Variants in RPS6KA2 observed in about 807,000 individuals in gnomAD.
RPS6KA2 encodes the protein ribosomal protein S6 kinase A2.
Under a neutral mutation model 91.8 loss-of-function variants are expected in RPS6KA2, and 42 were observed. That is an observed-to-expected ratio of 0.46 (90% CI 0.36 to 0.59). The LOEUF (loss-of-function observed/expected upper bound fraction) is 0.59. Among genes scored for constraint, RPS6KA2 ranks in the 20% least tolerant of loss-of-function variants. RPS6KA2 has a pLI of 0.00. For synonymous variants in RPS6KA2, 414 were observed against 393.6 expected, an observed-to-expected ratio of 1.05 and a Z score of -0.61; for missense variants, 798 against 978.5, an observed-to-expected ratio of 0.82 and a Z score of 2.46.
chr6:166,552,859 G>A (rs1253867853), intron 1 of RPS6KA2, among the ~76,000 whole-genome samples: 4 of 152,214 alleles, frequency 2.6e-5, no homozygotes, highest in Non-Finnish European at 4.4e-5. Flanking sequence ...GGGATGGGCC[G>A]ATAACCACGC....
intron 12 of RPS6KA2, among the ~76,000 whole-genome samples, chr6:166,452,628 C>A (rs1399132414): frequency 6.6e-6 from 1 of 152,106 alleles, no homozygotes; most frequent in African/African-American, 2.4e-5. Context: ...TAAACATAGA[C>A]ACACAGATTA....
chr6:166,606,238 G>A (rs943739400), intron 1 of RPS6KA2, among the ~76,000 whole-genome samples: 4 of 152,184 alleles, frequency 2.6e-5, no homozygotes, highest in Admixed American at 6.5e-5. Flanking sequence ...CCACAAGGTC[G>A]GAGTGCTTGC....
intron 2 of RPS6KA2, among the ~76,000 whole-genome samples, chr6:166,843,873 C>G (rs1490635692): frequency 6.6e-6 from 1 of 152,034 alleles, no homozygotes; most frequent in Non-Finnish European, 1.5e-5. Context: ...TTTAACACCT[C>G]CAAAAGATCA....
intron 2 of RPS6KA2, among the ~76,000 whole-genome samples, chr6:166,676,839 A>G (rs1197955744): frequency 6.6e-6 from 1 of 152,172 alleles, no homozygotes; most frequent in East Asian, 1.9e-4. Context: ...ACAATTTACT[A>G]CACTTCAAAG....
chr6:166,718,500 T>C (rs1414339326), intron 2 of RPS6KA2, among the ~76,000 whole-genome samples: 1 of 152,220 alleles, frequency 6.6e-6, no homozygotes, highest in Non-Finnish European at 1.5e-5. Context: ...TGTAAGGCCA[T>C]ATCAAAATCT....
In RPS6KA2 at chr6:166,612,668, C is replaced by T. The variant is rs555458026; in HGVS notation, c.99+14253G>A. Among the ~76,000 whole-genome samples the T allele has an allele frequency of 1.4e-4, 22 of 152,158 alleles. No homozygotes were observed. The highest frequency in any genetic ancestry group is 3.3e-4 in the Admixed American group (5 of 15,268). On this transcript the variant is annotated intron_variant, in intron 1 of 20. Transcript: ENST00000265678. The surrounding 1 kb of genome is among the most constrained non-coding windows in gnomAD (Gnocchi z 4.3). ...TGCTCCATTTATCACTCTGTCCGGG[C>T]GTCTGTTGTTACCCATGCTCGGGTA...
chr6:166,562,284 T>C (rs369078713), intron 1 of RPS6KA2, among the ~76,000 whole-genome samples: 1 of 152,176 alleles, frequency 6.6e-6, no homozygotes, highest in Admixed American at 6.5e-5. Context: ...TCACAGTACC[T>C]ACCTCGTGGA....
At chr6:166,604,440 A>G (rs1785866463) in intron 1 of RPS6KA2, among the ~76,000 whole-genome samples, 2 of 152,142 alleles carry the variant, frequency 1.3e-5, no homozygotes, top group African/African-American at 2.4e-5. Context: ...TCCATGTTTT[A>G]TAATGCCCAG....
intron 3 of RPS6KA2, among the ~76,000 whole-genome samples, chr6:166,510,621 C>T (rs1421340864): frequency 9.1e-6 from 1 of 109,790 alleles, no homozygotes; most frequent in East Asian, 2.9e-4. Context: ...GCATCTCTAG[C>T]TCTCCAAAAA....
chr6:166,723,470 C>T (rs960995159), intron 2 of RPS6KA2, among the ~76,000 whole-genome samples: 25 of 151,696 alleles, frequency 1.6e-4, no homozygotes, highest in Non-Finnish European at 2.9e-5. Context: ...GTATGCACCG[C>T]CTTCCTCAGC....
chr6:166,830,125 CAAAAAAA>C (rs34980248), intron 2 of RPS6KA2, among the ~76,000 whole-genome samples: 1 of 99,580 alleles, frequency 1.0e-5, no homozygotes, highest in African/African-American at 4.2e-5. Flanking sequence ...AACTCCATTT[CAAAAAAA>C]AAAAAAAAAG....
rs188242386 is a variant in RPS6KA2 at position 166,736,840 on chromosome 6, C to T, written c.123+121360G>A. 7.3e-4 allele frequency among the ~76,000 whole-genome samples: 111 copies of T among 152,350 alleles called. 2 individuals carry two copies. Among genetic ancestry groups the T allele is most frequent in the Middle Eastern group, 6.8e-3 (2 of 294 alleles). On this transcript the variant is annotated intron_variant, in intron 2 of 21. Transcript: ENST00000503859. ...TTCAGAGGGAGCCCGAGAAGCCTTT[C>T]TCTTCCAGTTGTAAAGTTCATGAAT... is the stretch of plus-strand genomic sequence containing the variant.
chr6:166,856,911 G>A (rs1344789221), intron 2 of RPS6KA2, among the ~76,000 whole-genome samples: 2 of 152,164 alleles, frequency 1.3e-5, no homozygotes. Context: ...GGATGCAAAG[G>A]TACAAGGCCA....
At chr6:166,692,757 A>G (rs932951033) in intron 2 of RPS6KA2, among the ~76,000 whole-genome samples, 4 of 152,240 alleles carry the variant, frequency 2.6e-5, no homozygotes, top group Admixed American at 1.3e-4. Flanking sequence ...GGCAGGCTCC[A>G]AAGTGCTTTT....
intron 12 of RPS6KA2, among the ~76,000 whole-genome samples, chr6:166,455,316 GC>G (rs1780064666): frequency 1.3e-5 from 2 of 152,246 alleles, no homozygotes; most frequent in African/African-American, 4.8e-5. Context: ...CGGGCCCCAC[GC>G]CGCGTGGGCC....
intron 2 of RPS6KA2, among the ~76,000 whole-genome samples, chr6:166,640,731 A>C (rs1787404079): frequency 6.6e-6 from 1 of 151,544 alleles, no homozygotes; most frequent in South Asian, 2.1e-4. Flanking sequence ...GAGGTCGAGC[A>C]CTGTTCTGAG....
chr6:166,553,120 T>G (rs1430320579), intron 1 of RPS6KA2, among the ~76,000 whole-genome samples: 2 of 152,256 alleles, frequency 1.3e-5, no homozygotes, highest in South Asian at 2.1e-4. Context: ...TCATTTTTGG[T>G]TTTTGTTTTT....
Position 166,444,728 on chromosome 6 carries a change from G to A in RPS6KA2, c.1332+3996C>T, listed in dbSNP as rs546902290. Among the ~76,000 whole-genome samples, 17 of 152,314 alleles carry A rather than the reference G, an allele frequency of 1.1e-4. No individual in the cohort carries two copies. In the South Asian group the frequency reaches 3.5e-3, roughly 32 times the overall value. ...TAGTGTTGTTTGCCGAAGTCGAGAG[G>A]GAGGGACAAGCCTGGGAATCCAGGT... On this transcript the variant is annotated intron_variant, in intron 14 of 20. Transcript: ENST00000265678.
At chr6:166,446,422 A>C (rs919451492) in intron 14 of RPS6KA2, among the ~76,000 whole-genome samples, 4 of 152,218 alleles carry the variant, frequency 2.6e-5, no homozygotes, top group African/African-American at 9.7e-5. Context: ...AATCCCTGCC[A>C]TGTCTGCTGG....
Sources: allele counts gnomAD v4.1 joint callset (sites outside exome capture counted in the v4.1 genomes callset), GRCh38; gene constraint gnomAD v4.1.1; non-coding constraint Gnocchi (gnomAD v3.1); transcripts MANE v1.5; gene names NCBI Gene and HGNC (gene_info 2026-07-23, HGNC 2026-07-21).